Variants in INSYN1 observed in about 807,000 individuals in gnomAD.
INSYN1 encodes the protein inhibitory synaptic factor 1, also known as UPF0583 protein C15orf59.
In INSYN1, 7 loss-of-function variants were observed where a neutral mutation model predicts 17.1. That is an observed-to-expected ratio of 0.41 (90% CI 0.23 to 0.77). The LOEUF (loss-of-function observed/expected upper bound fraction) is 0.77, where lower values mean the gene tolerates loss of function less well. INSYN1 is among the 30% of genes least tolerant of loss of function. The pLI is 0.32. For synonymous variants in INSYN1, 174 were observed against 166.3 expected, an observed-to-expected ratio of 1.05 and a Z score of -0.36; for missense variants, 339 against 400.6, an observed-to-expected ratio of 0.85 and a Z score of 1.31.
At chr15:73,746,181 C>T (rs945435655) in intron 2 of INSYN1, among the ~76,000 whole-genome samples, 2 of 152,032 alleles carry the variant, frequency 1.3e-5, no homozygotes, top group African/African-American at 2.4e-5. Context: ...TCTGTGATTA[C>T]GTTATTATCT....
At position 73,751,085 on chromosome 15, in the gene INSYN1, G is replaced by A; in HGVS notation, c.46C>T (p.Pro16Ser). 1 of 1,614,046 alleles carries A rather than the reference G, an allele frequency of 6.2e-7. No individual in the cohort carries two copies. The highest frequency in any genetic ancestry group is 1.1e-5 in the South Asian group (1 of 91,086). ...APDLGQPSDD[P>S]SSGGERERIR... ...CGCTCCCGCTCACCACCACTGCTGG[G>A]GTCGTCACTGGGCTGCCCGAGGTCC... The change falls in exon 2 of 3, where the codon CCC becomes TCC. Residue 16 changes from proline to serine, a missense_variant. Transcript: ENST00000569673.
chr15:73,739,838 A>AATATATATATATAT lies in INSYN1; in HGVS notation c.*65_*78dup, dbSNP rs71650721. ...ATTTTATTATGACTTCATTTGTTTA[A>AATATATATATATAT]ATATATATATATATATATATATATA... On this transcript the variant is annotated 3_prime_UTR_variant, in exon 3 of 3. Transcript: ENST00000569673. 1.4e-4 allele frequency: 20 copies of AATATATATATATAT among 144,694 alleles called. No individual in the cohort carries two copies. In the East Asian group the frequency reaches 1.5e-3, roughly 11 times the overall value. 9.0% of individuals were successfully genotyped at this position (144,694 alleles called of 1,614,324 possible).
intron 2 of INSYN1, among the ~76,000 whole-genome samples, chr15:73,744,232 G>A (rs1901766432): frequency 6.6e-6 from 1 of 152,192 alleles, no homozygotes; most frequent in African/African-American, 2.4e-5. Context: ...CTCTGATGTG[G>A]GTCCAGTGAC....
chr15:73,737,957 G>A lies in INSYN1; in HGVS notation c.*1960C>T, dbSNP rs1472300611. On this transcript the variant is annotated 3_prime_UTR_variant, in exon 3 of 3. Transcript: ENST00000569673. ...GTGAATCAAGCTGCAGTCAACTTCT[G>A]ACCTCGAGCTACTGCGAGGGACCAA... 1 of 152,230 alleles carries A rather than the reference G, an allele frequency of 6.6e-6. No individual in the cohort carries two copies. The highest frequency in any genetic ancestry group is 1.5e-5 in the Non-Finnish European group (1 of 68,062). 9.4% of individuals were successfully genotyped at this position (152,230 alleles called of 1,614,324 possible).
In INSYN1 at chr15:73,751,560, T is replaced by C. The variant is rs1901985677; in HGVS notation, c.-430A>G. 1 of 194,734 alleles carries C rather than the reference T, an allele frequency of 5.1e-6. No homozygotes were observed. The highest frequency in any genetic ancestry group is 1.1e-5 in the Non-Finnish European group (1 of 92,552). 12.1% of individuals were successfully genotyped at this position (194,734 alleles called of 1,614,324 possible). A position where few individuals can be genotyped will look rare whatever the true frequency, so the allele number is the denominator to read the frequency against. ...GCAGCAGGGATCCCCTCACAACTCC[T>C]AGGCAGTTGCAAAGGCAGAGGTCTC... On this transcript the variant is annotated 5_prime_UTR_variant, in exon 2 of 3. Coordinates refer to ENST00000569673, the MANE Select transcript of INSYN1 (RefSeq NM_001039614.3).
chr15:73,741,384 A>G (rs1323835029), intron 2 of INSYN1, among the ~76,000 whole-genome samples: 1 of 152,242 alleles, frequency 6.6e-6, no homozygotes, highest in Non-Finnish European at 1.5e-5. Context: ...GAAGCCATCT[A>G]TTCTGGGCCC....
chr15:73,744,292 C>T (rs1490016085), intron 2 of INSYN1, among the ~76,000 whole-genome samples: 1 of 152,160 alleles, frequency 6.6e-6, no homozygotes, highest in Non-Finnish European at 1.5e-5. Context: ...CATGCCAGGC[C>T]TTTCAAAACC....
chr15:73,745,912 C>CCTCT (rs1411053508), intron 2 of INSYN1, among the ~76,000 whole-genome samples: 1 of 152,174 alleles, frequency 6.6e-6, no homozygotes, highest in East Asian at 1.9e-4. Flanking sequence ...AGACGCCAAC[C>CCTCT]CTCTCTCCAG....
rs1207627998 is a variant in INSYN1 at position 73,753,009 on chromosome 15, C to T, written c.-1467G>A. ...CGGCGGGCCGGGCCGGGCCGGGGCGCACTAGGCTCGCAGCCTCCGCTCGGC... is the reference window on the plus strand; with the variant it reads ...CGGCGGGCCGGGCCGGGCCGGGGCGTACTAGGCTCGCAGCCTCCGCTCGGC... On this transcript the variant is annotated 5_prime_UTR_variant, in exon 1 of 3. Transcript: ENST00000569673. This position sits in a 1 kb window ranked among gnomAD's most constrained non-coding sequence, Gnocchi z 4.2. 6.7e-6 allele frequency among the ~76,000 whole-genome samples: 1 copy of T among 150,102 alleles called. No homozygotes were observed. The highest frequency in any genetic ancestry group is 2.4e-5 in the African/African-American group (1 of 41,082).
At position 73,753,070 on chromosome 15, in the gene INSYN1, G is replaced by A. The variant is rs1185498522; in HGVS notation, c.-1528C>T. 6.7e-6 allele frequency among the ~76,000 whole-genome samples: 1 copy of A among 150,104 alleles called. No individual in the cohort carries two copies. Among genetic ancestry groups the A allele is most frequent in the East Asian group, 2.0e-4 (1 of 5,006 alleles). On this transcript the variant is annotated 5_prime_UTR_variant, in exon 1 of 3. Transcript: ENST00000569673. This position sits in a 1 kb window ranked among gnomAD's most constrained non-coding sequence, Gnocchi z 4.2. ...CCCGTCCGTTCGCTCTCGGCTCCCC[G>A]CCTCAGCAGCCCCCGGGCGCCGGGT...
chr15:73,744,507 TC>T (rs1335775147), intron 2 of INSYN1, among the ~76,000 whole-genome samples: 5 of 152,128 alleles, frequency 3.3e-5, no homozygotes, highest in Non-Finnish European at 7.4e-5. Context: ...ATGCAGCTTC[TC>T]TGTGGGGGGC....
chr15:73,751,216 G>T lies in INSYN1; in HGVS notation c.-86C>A. 6.6e-7 allele frequency: 1 copy of T among 1,511,172 alleles called. No individual in the cohort carries two copies. Among genetic ancestry groups the T allele is most frequent in the Non-Finnish European group, 9.0e-7 (1 of 1,116,680 alleles). The allele number at this position is 1,511,172 out of a possible 1,614,324, so 93.6% of individuals were successfully genotyped here. ...GCCTCCACGGAGCCCCCCTCGGCTG[G>T]GCAGAGCTCCACATTTTAACGGCCC... On this transcript the variant is annotated 5_prime_UTR_variant, in exon 2 of 3. Coordinates refer to ENST00000569673, the MANE Select transcript of INSYN1 (RefSeq NM_001039614.3).
At position 73,751,008 on chromosome 15, in the gene INSYN1, G is replaced by T. The variant is rs372544619; in HGVS notation, c.123C>A (p.Arg41=). The T allele has an allele frequency of 1.9e-6, 3 of 1,614,012 alleles. No individual in the cohort carries two copies. The highest frequency in any genetic ancestry group is 2.2e-5 in the East Asian group (1 of 44,860). ...GCTCCTTGGCCACCTCCTTGAGCTC[G>T]CGAAGGATGCCCTCAAGCTGCCCGA... The part of the protein sequence containing the change: ...MVIGQLEGIL[R]ELKEVAKELR... The change falls in exon 2 of 3, where the codon CGC becomes CGA. Residue 41 remains arginine, a synonymous_variant. Transcript: ENST00000569673.
In INSYN1 at chr15:73,748,973, C is replaced by T. The variant is rs1596040057; in HGVS notation, c.156+2002G>A. On this transcript the variant is annotated intron_variant, in intron 2 of 2. Coordinates refer to ENST00000569673, the MANE Select transcript of INSYN1 (RefSeq NM_001039614.3). ...GTCTTGGGTGGAGGCACATGGCCTA[C>T]AGGGTGTGTGGGGGGAGGGGACTCA... is the stretch of plus-strand genomic sequence containing the variant. Among the ~76,000 whole-genome samples the T allele has an allele frequency of 2.6e-5, 4 of 152,302 alleles. No individual in the cohort carries two copies. The Middle Eastern group carries it at 0.01, about 389-fold the overall frequency.
Position 73,740,422 on chromosome 15 carries a change from T to C in INSYN1, c.377A>G (p.Asp126Gly). Residue 126 changes from aspartate (D) to glycine (G), a missense_variant, in exon 3 of 3, where the codon GAT becomes GGT. Transcript: ENST00000569673. ...LDVSTPSDSV[D>G]GPESTRPGAG... ...CCCTGGCCGAGTCGACTCGGGACCA[T>C]CCACGGAGTCCGAGGGGGTAGAGAC... The C allele has an allele frequency of 6.2e-7, 1 of 1,613,140 alleles. No homozygotes were observed. The highest frequency in any genetic ancestry group is 8.5e-7 in the Non-Finnish European group (1 of 1,179,718).
In INSYN1 at chr15:73,752,184, A is replaced by C. The variant is rs1411919332; in HGVS notation, c.-642T>G. 1 of 152,074 alleles carries C rather than the reference A, an allele frequency of 6.6e-6. No individual in the cohort carries two copies. The allele number at this position is 152,074 out of a possible 1,614,324, so 9.4% of individuals were successfully genotyped here. On this transcript the variant is annotated 5_prime_UTR_variant, in exon 1 of 3. Transcript: ENST00000569673. The surrounding 1 kb of genome is among the most constrained non-coding windows in gnomAD (Gnocchi z 5.2). ...CCCAAGACGGAGTTGGGGGGCCCCC[A>C]AGGCTCCCTAGGGCGGGCTTCTCTC...
intron 2 of INSYN1, among the ~76,000 whole-genome samples, chr15:73,743,957 C>T (rs988906979): frequency 2.6e-5 from 4 of 151,798 alleles, no homozygotes; most frequent in African/African-American, 4.8e-5. Context: ...GGAGTCCTAC[C>T]CTGGCTTCAC....
rs527580232 is a variant in INSYN1 at position 73,752,743 on chromosome 15, G to T, written c.-1201C>A. The T allele has an allele frequency of 6.6e-6, 1 of 151,984 alleles. No individual in the cohort carries two copies. The highest frequency in any genetic ancestry group is 2.1e-4 in the South Asian group (1 of 4,824). 9.4% of individuals were successfully genotyped at this position (151,984 alleles called of 1,614,324 possible). A position where few individuals can be genotyped will look rare whatever the true frequency, so the allele number is the denominator to read the frequency against. ...CGGCCCTGGGCGAGACCGCTCCCAC[G>T]GCTCAGTTCACGTTCCGAAAGGTCC... On this transcript the variant is annotated 5_prime_UTR_variant, in exon 1 of 3. Transcript: ENST00000569673. This position sits in a 1 kb window ranked among gnomAD's most constrained non-coding sequence, Gnocchi z 5.2.
intron 2 of INSYN1, among the ~76,000 whole-genome samples, chr15:73,742,310 C>T (rs1901710403): frequency 6.6e-6 from 1 of 152,158 alleles, no homozygotes; most frequent in Non-Finnish European, 1.5e-5. Flanking sequence ...TGGACCTCAA[C>T]CTCATTCACC....
Sources: gnomAD v4.1 joint callset for allele counts (sites outside exome capture counted in the v4.1 genomes callset) on GRCh38, gnomAD v4.1.1 for gene constraint, Gnocchi (gnomAD v3.1) non-coding constraint, MANE v1.5 for transcripts, NCBI Gene and HGNC (gene_info 2026-07-23, HGNC 2026-07-21) for gene names.